The following MELK variants were observed in gnomAD, a reference collection of about 807,000 sequenced individuals.
The protein encoded by MELK is maternal embryonic leucine zipper kinase.
In MELK, 81 loss-of-function variants were observed where a neutral mutation model predicts 85.0. That is an observed-to-expected ratio of 0.95 (90% confidence interval 0.80 to 1.15). The LOEUF (loss-of-function observed/expected upper bound fraction) is 1.15, where lower values mean the gene tolerates loss of function less well. MELK is among the 50% of genes most tolerant of loss of function. The pLI is 0.00. For synonymous variants in MELK, 252 were observed against 265.0 expected, an observed-to-expected ratio of 0.95 and a Z score of 0.48; for missense variants, 754 against 777.5, an observed-to-expected ratio of 0.97 and a Z score of 0.36.
chr9:36,600,388 T>G (rs1463971202), intron 7 of MELK, among the ~76,000 whole-genome samples: 1 of 151,562 alleles, frequency 6.6e-6, no homozygotes, highest in African/African-American at 2.4e-5. Flanking sequence ...CCTCCAAATC[T>G]TTCTTTTCTT....
intron 1 of MELK, among the ~76,000 whole-genome samples, chr9:36,581,120 T>A (rs929379682): frequency 7.2e-5 from 11 of 152,216 alleles, no homozygotes; most frequent in Non-Finnish European, 7.3e-5. Context: ...ACATCCACTA[T>A]TATATTTGTT....
chr9:36,587,935 CGT>C (rs1294408612), intron 3 of MELK, among the ~76,000 whole-genome samples: 2 of 148,144 alleles, frequency 1.4e-5, no homozygotes, highest in African/African-American at 2.5e-5. Flanking sequence ...CTAATTTTTT[CGT>C]GTGTGTTTTT....
chr9:36,667,343 A>T (rs1039066622), intron 14 of MELK, among the ~76,000 whole-genome samples: 1 of 152,082 alleles, frequency 6.6e-6, no homozygotes, highest in Admixed American at 6.6e-5. Flanking sequence ...TTTAGTGAAG[A>T]CAGGGCTTCA....
intron 13 of MELK, among the ~76,000 whole-genome samples, chr9:36,657,962 C>G (rs1034563888): frequency 2.0e-5 from 3 of 152,004 alleles, no homozygotes; most frequent in Admixed American, 6.6e-5. Context: ...TTTTAGTGTG[C>G]AATTCTATGT....
chr9:36,620,144 G>T (rs926825029), intron 8 of MELK, among the ~76,000 whole-genome samples: 1 of 152,138 alleles, frequency 6.6e-6, no homozygotes, highest in African/African-American at 2.4e-5. Context: ...CAGTCAAGCT[G>T]GCAGCCCATT....
intron 17 of MELK, among the ~76,000 whole-genome samples, chr9:36,675,968 C>G (rs145457178): frequency 6.6e-6 from 1 of 152,262 alleles, no homozygotes; most frequent in East Asian, 1.9e-4. Context: ...CCCTGGCATT[C>G]CTCTCAGGCT....
chr9:36,616,079 C>T (rs569950122), intron 8 of MELK, among the ~76,000 whole-genome samples: 82 of 152,092 alleles, frequency 5.4e-4, no homozygotes, highest in Non-Finnish European at 1.0e-3. Context: ...CGCTCGCCGG[C>T]GCGGTGGCAA....
At chr9:36,655,946 A>G (rs1310491554) in intron 12 of MELK, among the ~76,000 whole-genome samples, 3 of 152,222 alleles carry the variant, frequency 2.0e-5, no homozygotes, top group Non-Finnish European at 2.9e-5. Context: ...ACTTTGGGAA[A>G]AAAAGGATGA....
chr9:36,583,492 A>G (rs1382631934), intron 2 of MELK, 135 bp from the exon 3 acceptor site: 1 of 456,836 alleles, frequency 2.2e-6, no homozygotes, highest in Non-Finnish European at 3.8e-6. Flanking sequence ...TTGGATAACA[A>G]GCAGCAACAG....
Position 36,635,126 on chromosome 9 carries a change from G to T in MELK, c.834+1926G>T, listed in dbSNP as rs57310141. ...TGTAATAAAATTAATATATTTTACT[G>T]GTTTATCAAGGAAATTCTTAATTGA... On this transcript the variant is annotated intron_variant, in intron 10 of 17. Coordinates refer to ENST00000298048, the MANE Select transcript of MELK (RefSeq NM_014791.4). Among the ~76,000 whole-genome samples the T allele has an allele frequency of 4.4e-3, 667 of 152,134 alleles. 2 individuals carry two copies. The highest frequency in any genetic ancestry group is 0.015 in the African/African-American group (641 of 41,496).
chr9:36,603,014 T>C (rs1490211352), intron 7 of MELK, among the ~76,000 whole-genome samples: 2 of 152,214 alleles, frequency 1.3e-5, no homozygotes, highest in African/African-American at 4.8e-5. Flanking sequence ...CTATTCCATT[T>C]AGTTTCCCAG....
chr9:36,651,647 G>T, intron 11 of MELK, 99 bp from the exon 12 acceptor site: 1 of 1,417,736 alleles, frequency 7.1e-7, no homozygotes, highest in Non-Finnish European at 9.6e-7. Context: ...GGCTTTTAAA[G>T]TTCTGAATGT....
chr9:36,676,547 T>G (rs1206512368), intron 17 of MELK, among the ~76,000 whole-genome samples: 1 of 152,228 alleles, frequency 6.6e-6, no homozygotes, highest in Non-Finnish European at 1.5e-5. Context: ...GTTCTATCTA[T>G]AAATGCCGTA....
chr9:36,588,716 TTGA>T (rs1280205400), intron 3 of MELK, among the ~76,000 whole-genome samples: 4 of 152,150 alleles, frequency 2.6e-5, no homozygotes, highest in African/African-American at 4.8e-5. Context: ...TACTTGTTAC[TTGA>T]TGATATCTCT....
rs764311035 is a variant in MELK at position 36,642,983 on chromosome 9, AT to A, written c.835-5del. The A allele has an allele frequency of 3.0e-4, 462 of 1,563,226 alleles. No homozygotes were observed. The highest frequency in any genetic ancestry group is 6.8e-4 in the Admixed American group (37 of 54,560). On this transcript the variant is annotated splice_polypyrimidine_tract_variant and intron_variant, in intron 10 of 17. Coordinates refer to ENST00000298048, the MANE Select transcript of MELK (RefSeq NM_014791.4). The stretch of plus-strand genomic sequence containing the variant: ...TAATTTTTTGTTAATAAAGTGCATA[AT>A]TTTTTTTTGTAGTTTATTCACCTCG...
chr9:36,575,531 C>T (rs17479132), intron 1 of MELK, among the ~76,000 whole-genome samples: 3,820 of 151,942 alleles, frequency 0.025, 77 homozygotes, highest in Non-Finnish European at 0.042. Context: ...TAATCTAGGC[C>T]CACATTGGTA....
intron 4 of MELK, among the ~76,000 whole-genome samples, chr9:36,592,330 A>G (rs1442561665): frequency 6.6e-6 from 1 of 150,458 alleles, no homozygotes; most frequent in African/African-American, 2.4e-5. Context: ...ACGTGCCATC[A>G]CCCCCGGTTA....
At chr9:36,586,398 A>G (rs556146043) in intron 3 of MELK, among the ~76,000 whole-genome samples, 7 of 152,252 alleles carry the variant, frequency 4.6e-5, no homozygotes, top group African/African-American at 1.7e-4. Flanking sequence ...CAGCAATGTC[A>G]TTAAATCATT....
intron 11 of MELK, among the ~76,000 whole-genome samples, chr9:36,651,202 C>T (rs927130910): frequency 2.0e-5 from 3 of 152,166 alleles, no homozygotes; most frequent in South Asian, 2.1e-4. Context: ...GAAAGGCAGG[C>T]GTCTCCCAGG....
Sources: gnomAD v4.1 joint callset for allele counts (sites outside exome capture counted in the v4.1 genomes callset) on GRCh38, gnomAD v4.1.1 for gene constraint, MANE v1.5 for transcripts, NCBI Gene and HGNC (gene_info 2026-07-23, HGNC 2026-07-21) for gene names.